Variants in ERC1 observed in about 807,000 individuals in gnomAD.
ERC1 encodes the protein ELKS/RAB6-interacting/CAST family member 1.
In ERC1, 56 loss-of-function variants were observed where a neutral mutation model predicts 132.0. That is an observed-to-expected ratio of 0.42 (90% CI 0.34 to 0.53). The LOEUF (loss-of-function observed/expected upper bound fraction) is 0.53. ERC1 is among the 20% of genes least tolerant of loss of function. The probability of loss-of-function intolerance (pLI) is 0.03; values close to 1 mark genes in which losing one functional copy is unlikely to be tolerated. For synonymous variants in ERC1, 478 were observed against 476.1 expected (o/e 1.00, Z -0.05); for missense variants, 1,202 against 1,349.9 (o/e 0.89, Z 1.72).
chr12:1,110,965 A>T (rs945422018), intron 5 of ERC1, among the ~76,000 whole-genome samples: 3 of 152,080 alleles, frequency 2.0e-5, no homozygotes, highest in African/African-American at 7.2e-5. Flanking sequence ...CAATCTCCCA[A>T]AGTGCTGGGA....
At chr12:1,112,326 T>G (rs778010481) in intron 6 of ERC1, 28 bp downstream of exon 6, 2 of 1,536,142 alleles carry the variant, frequency 1.3e-6, no homozygotes, top group Non-Finnish European at 1.8e-6. Flanking sequence ...TACCTCTTTG[T>G]GTGCAGTGGT....
intron 15 of ERC1, among the ~76,000 whole-genome samples, chr12:1,327,433 C>G (rs1426389737): frequency 1.3e-5 from 2 of 152,110 alleles, no homozygotes; most frequent in African/African-American, 4.8e-5. Flanking sequence ...CAATATGTAG[C>G]CCCCAAATAA....
chr12:1,295,125 G>A lies in ERC1; in HGVS notation c.2780+5113G>A, dbSNP rs78015436. On this transcript the variant is annotated intron_variant, in intron 15 of 18. Coordinates refer to ENST00000360905, the MANE Select transcript of ERC1 (RefSeq NM_178040.4). ...ATCAAATGAGATTTTAAAAAAGCAC[G>A]TTGAAGTTGGTAAAGCTGAATGTGC... Among the ~76,000 whole-genome samples, 851 of 152,294 alleles carry A rather than the reference G, an allele frequency of 5.6e-3. 4 individuals carry two copies. The highest frequency in any genetic ancestry group is 0.012 in the South Asian group (59 of 4,824).
intron 15 of ERC1, among the ~76,000 whole-genome samples, chr12:1,333,414 T>C (rs939969304): frequency 1.4e-5 from 2 of 142,492 alleles, no homozygotes. Flanking sequence ...CTCACTGCAA[T>C]CTCTGCCTCC....
At chr12:1,473,676 C>T (rs898767114) in intron 18 of ERC1, among the ~76,000 whole-genome samples, 2 of 151,776 alleles carry the variant, frequency 1.3e-5, no homozygotes, top group Non-Finnish European at 1.5e-5. Flanking sequence ...GGAGAAGTCC[C>T]CACAGCAGCC....
At chr12:1,150,844 A>G (rs1950768840) in intron 8 of ERC1, among the ~76,000 whole-genome samples, 1 of 152,244 alleles carries the variant, frequency 6.6e-6, no homozygotes, top group Admixed American at 6.5e-5. Flanking sequence ...CCAAGGAGAC[A>G]TGCCATCCAA....
intron 18 of ERC1, among the ~76,000 whole-genome samples, chr12:1,453,676 C>T (rs2093471523): frequency 1.3e-5 from 2 of 151,982 alleles, no homozygotes; most frequent in Non-Finnish European, 2.9e-5. Flanking sequence ...CTATTTTTGT[C>T]CCCAGGCTTT....
chr12:1,444,324 T>C (rs967451150), intron 17 of ERC1: 23 of 387,104 alleles, frequency 5.9e-5, no homozygotes, highest in Non-Finnish European at 1.1e-4. Flanking sequence ...TGTGAATATA[T>C]GAAGCCAGCG....
rs73025606 is a variant in ERC1 at position 1,203,968 on chromosome 12, A to T, written c.2351+13916A>T. The T allele has an allele frequency of 3.8e-3, 583 of 152,596 alleles. 1 individual carries two copies. The highest frequency in any genetic ancestry group is 5.8e-3 in the Non-Finnish European group (397 of 68,204). 9.5% of individuals were successfully genotyped at this position (152,596 alleles called of 1,614,324 possible). A position where few individuals can be genotyped will look rare whatever the true frequency, so the allele number is the denominator to read the frequency against. ...TATTAGGAGAAAATTATGTTTTAAC[A>T]TTTGAGAAAATTATTTCAAGTACAT... On this transcript the variant is annotated intron_variant, in intron 12 of 18. Transcript: ENST00000360905.
rs1487093673 is a variant in ERC1 at position 1,490,373 on chromosome 12, C to A, written c.*143C>A. On this transcript the variant is annotated 3_prime_UTR_variant, in exon 19 of 19. Transcript: ENST00000360905. ...CTCACTTGAAGAAGTGTGATTCCAG[C>A]ACCGTTTCTACATCTGCCATCTTAC... The A allele has an allele frequency of 3.9e-6, 3 of 776,638 alleles. No individual in the cohort carries two copies. The African/African-American group carries it at 5.2e-5, about 14-fold the overall frequency. The allele number at this position is 776,638 out of a possible 1,614,324, so 48.1% of individuals were successfully genotyped here.
At chr12:1,202,205 T>G (rs1956976386) in intron 12 of ERC1, among the ~76,000 whole-genome samples, 1 of 152,204 alleles carries the variant, frequency 6.6e-6, no homozygotes, top group African/African-American at 2.4e-5. Flanking sequence ...TAGGTTATCT[T>G]CCCAAAGTTT....
intron 17 of ERC1, among the ~76,000 whole-genome samples, chr12:1,426,753 A>T (rs2092653970): frequency 6.6e-6 from 1 of 152,182 alleles, no homozygotes; most frequent in South Asian, 2.1e-4. Flanking sequence ...TTATTTCTTA[A>T]TTCTACCCCA....
At chr12:1,122,698 A>ATCTCTATCTCTATCTCT (rs1947706787) in intron 7 of ERC1, among the ~76,000 whole-genome samples, 1 of 99,148 alleles carries the variant, frequency 1.0e-5, no homozygotes, top group Non-Finnish European at 2.4e-5. Context: ...TATCTATCTA[A>ATCTCTATCTCTATCTCT]ATCTCTGAAA....
At chr12:1,379,171 T>C (rs1435413385) in intron 16 of ERC1, among the ~76,000 whole-genome samples, 2 of 152,138 alleles carry the variant, frequency 1.3e-5, no homozygotes, top group African/African-American at 4.8e-5. Flanking sequence ...ACTAGTGTAT[T>C]TTCCTCTCAC....
rs765403426 is a variant in ERC1, at chr12:1,183,415, G to A, written c.2151G>A (p.Leu717=). 3 of 1,561,352 alleles carry A rather than the reference G, an allele frequency of 1.9e-6. No individual in the cohort carries two copies. The South Asian group carries it at 3.6e-5, about 19-fold the overall frequency. ...KEECLKMESQ[L]KKAHEAALEA... is the part of the protein sequence containing the mutation. ...AGTGTCTGAAAATGGAATCACAATT[G>A]AAAAAGGTTAAAGAAAAAATTTCAC... Residue 717 remains leucine (L), a synonymous_variant, in exon 11 of 19, where the codon TTG becomes TTA. Coordinates refer to ENST00000360905, the MANE Select transcript of ERC1 (RefSeq NM_178040.4).
intron 2 of ERC1, among the ~76,000 whole-genome samples, chr12:1,063,933 T>C (rs942899658): frequency 6.6e-6 from 1 of 152,226 alleles, no homozygotes; most frequent in Non-Finnish European, 1.5e-5. Context: ...CCCTTCCAGA[T>C]GTAAGACTCT....
intron 8 of ERC1, among the ~76,000 whole-genome samples, chr12:1,169,490 A>G (rs149896219): frequency 1.7e-4 from 26 of 152,126 alleles, no homozygotes; most frequent in East Asian, 9.7e-4. Context: ...CCTCTGTACA[A>G]TCCTCATTTT....
chr12:1,280,395 T>C (rs1326803071), intron 14 of ERC1, among the ~76,000 whole-genome samples: 1 of 152,244 alleles, frequency 6.6e-6, no homozygotes, highest in Non-Finnish European at 1.5e-5. Flanking sequence ...TATTTGGACA[T>C]TCAATTGTCC....
intron 16 of ERC1, among the ~76,000 whole-genome samples, chr12:1,400,914 G>GTTTTTTTTTTTT (rs1566774897): frequency 9.0e-5 from 1 of 11,120 alleles, no homozygotes; most frequent in Non-Finnish European, 1.5e-4. Context: ...GGCTATTTTT[G>GTTTTTTTTTTTT]TATTTTTTTT....
Sources: gnomAD v4.1 joint callset for allele counts (sites outside exome capture counted in the v4.1 genomes callset) on GRCh38, gnomAD v4.1.1 for gene constraint, MANE v1.5 for transcripts, NCBI Gene and HGNC (gene_info 2026-07-23, HGNC 2026-07-21) for gene names.